The following PTPRD variants were observed in gnomAD, a reference collection of about 807,000 sequenced individuals.
PTPRD encodes the protein protein tyrosine phosphatase receptor type D, also known as receptor-type tyrosine-protein phosphatase delta.
A neutral mutation model predicts 214.5 loss-of-function variants in PTPRD; 34 were observed. The ratio of observed to expected loss-of-function variants is 0.16; its 90% CI spans 0.12 to 0.21. The LOEUF is 0.21. Ranked by LOEUF, PTPRD falls within the 10% of genes least tolerant of loss-of-function variation. The probability of loss-of-function intolerance (pLI) is 1.00; values close to 1 mark genes in which losing one functional copy is unlikely to be tolerated. For synonymous variants in PTPRD, 1,128 were observed against 845.7 expected, an observed-to-expected ratio of 1.33 and a Z score of -5.79; for missense variants, 2,545 against 2,398.7, an observed-to-expected ratio of 1.06 and a Z score of -1.27.
chr9:8,569,471 G>C (rs1004274152), intron 14 of PTPRD, among the ~76,000 whole-genome samples: 1 of 152,056 alleles, frequency 6.6e-6, no homozygotes, highest in East Asian at 1.9e-4. Context: ...TTCTCTTTGA[G>C]GAGGAACATC....
chr9:8,525,533 T>C (rs1478518293), intron 17 of PTPRD, among the ~76,000 whole-genome samples: 1 of 151,906 alleles, frequency 6.6e-6, no homozygotes, highest in Non-Finnish European at 1.5e-5. Flanking sequence ...AAGCAAAAAA[T>C]TAAAATTAGT....
intron 2 of PTPRD, among the ~76,000 whole-genome samples, chr9:10,411,085 A>T (rs559145195): frequency 6.6e-6 from 1 of 151,888 alleles, no homozygotes; most frequent in East Asian, 2.0e-4. Flanking sequence ...TTTTAAATTT[A>T]TTTACTTTTA....
intron 11 of PTPRD, among the ~76,000 whole-genome samples, chr9:8,955,782 C>T (rs2099128421): frequency 6.6e-6 from 1 of 151,386 alleles, no homozygotes; most frequent in Admixed American, 6.6e-5. Context: ...ACATCTAACT[C>T]CTGTAACATA....
chr9:10,296,327 T>C (rs1487478329), intron 3 of PTPRD, among the ~76,000 whole-genome samples: 2 of 151,992 alleles, frequency 1.3e-5, no homozygotes, highest in African/African-American at 4.8e-5. Flanking sequence ...AAACTTATAT[T>C]CGTTTTATCT....
At chr9:9,718,233 G>T (rs1453913714) in intron 7 of PTPRD, among the ~76,000 whole-genome samples, 1 of 152,182 alleles carries the variant, frequency 6.6e-6, no homozygotes, top group Admixed American at 6.5e-5. Flanking sequence ...TTGAAAACAT[G>T]AGTATGAAAA....
chr9:10,058,215 T>A (rs558703450), intron 3 of PTPRD, among the ~76,000 whole-genome samples: 1 of 152,200 alleles, frequency 6.6e-6, no homozygotes, highest in South Asian at 2.1e-4. Context: ...ATTCTCCCCC[T>A]TTTGAGTTAT....
At chr9:9,950,722 CAAAAAA>C (rs922771507) in intron 4 of PTPRD, among the ~76,000 whole-genome samples, 1 of 2,664 alleles carries the variant, frequency 3.8e-4, no homozygotes, top group Non-Finnish European at 4.6e-4. Flanking sequence ...GACTCCGTCT[CAAAAAA>C]AAAAAAAAAA....
chr9:9,958,396 T>C (rs922113860), intron 4 of PTPRD, among the ~76,000 whole-genome samples: 3 of 152,100 alleles, frequency 2.0e-5, no homozygotes, highest in Non-Finnish European at 2.9e-5. Context: ...CTGGGCGTGG[T>C]GGCACGCACC....
At chr9:8,796,169 C>G (rs1472886663) in intron 11 of PTPRD, among the ~76,000 whole-genome samples, 1 of 152,152 alleles carries the variant, frequency 6.6e-6, no homozygotes, top group African/African-American at 2.4e-5. Flanking sequence ...TTATCTATAT[C>G]TGCATGTTTA....
chr9:9,752,593 T>C (rs2098531515), intron 6 of PTPRD, among the ~76,000 whole-genome samples: 1 of 151,970 alleles, frequency 6.6e-6, no homozygotes, highest in African/African-American at 2.4e-5. Context: ...CACATGGAAC[T>C]TTAAGATCGA....
At chr9:9,900,621 A>C (rs560867181) in intron 5 of PTPRD, among the ~76,000 whole-genome samples, 11 of 148,340 alleles carry the variant, frequency 7.4e-5, no homozygotes, top group African/African-American at 2.6e-4. Flanking sequence ...CCAGTTCCAA[A>C]GGTGCTTCCA....
rs551319327 is a variant in PTPRD at position 10,425,679 on chromosome 9, T to C, written c.-599-84662A>G. Among the ~76,000 whole-genome samples, 99 of 152,100 alleles carry C rather than the reference T, an allele frequency of 6.5e-4. 1 individual carries two copies. Among genetic ancestry groups the C allele is most frequent in the African/African-American group, 2.3e-3 (94 of 41,564 alleles). On this transcript the variant is annotated intron_variant, in intron 2 of 45. Coordinates refer to ENST00000381196, the MANE Select transcript of PTPRD (RefSeq NM_002839.4). ...TTAGTCTGTTGAGATGTTCATCAGA[T>C]TTACATTTTCCTTCTCATTACAGAA...
intron 33 of PTPRD, among the ~76,000 whole-genome samples, chr9:8,457,329 G>C (rs2133970674): frequency 6.6e-6 from 1 of 151,924 alleles, no homozygotes; most frequent in African/African-American, 2.4e-5. Flanking sequence ...TTTAAGTCAT[G>C]GGCCATATAA....
chr9:8,950,395 G>T (rs140408612), intron 11 of PTPRD, among the ~76,000 whole-genome samples: 9 of 151,706 alleles, frequency 5.9e-5, no homozygotes, highest in African/African-American at 2.2e-4. Flanking sequence ...AACATATGGA[G>T]AAGGGTATGT....
intron 5 of PTPRD, among the ~76,000 whole-genome samples, chr9:9,895,616 G>C (rs1305431916): frequency 1.3e-5 from 2 of 152,048 alleles, no homozygotes; most frequent in Non-Finnish European, 2.9e-5. Context: ...TTTGGAAAAT[G>C]ATGGTCAAAT....
intron 5 of PTPRD, among the ~76,000 whole-genome samples, chr9:9,849,931 TAACTC>T (rs1454048642): frequency 1.3e-5 from 2 of 152,130 alleles, no homozygotes; most frequent in Non-Finnish European, 2.9e-5. Flanking sequence ...TAAGATCTGT[TAACTC>T]AGCTCCTAGT....
chr9:10,377,785 C>G (rs2097758736), intron 2 of PTPRD, among the ~76,000 whole-genome samples: 1 of 151,948 alleles, frequency 6.6e-6, no homozygotes. Flanking sequence ...GTGGAAGTAC[C>G]ACATTTTCTT....
At chr9:9,146,234 A>G (rs1216784618) in intron 10 of PTPRD, among the ~76,000 whole-genome samples, 2 of 152,064 alleles carry the variant, frequency 1.3e-5, no homozygotes, top group East Asian at 3.9e-4. Context: ...ACTGCTGTGC[A>G]TGGCTAAAAG....
At chr9:9,443,889 G>A (rs535290964) in intron 8 of PTPRD, among the ~76,000 whole-genome samples, 3 of 152,326 alleles carry the variant, frequency 2.0e-5, no homozygotes, top group East Asian at 1.9e-4. Context: ...GAACAAGCTT[G>A]AAAGCAAGAC....
Sources: allele counts gnomAD v4.1 joint callset (sites outside exome capture counted in the v4.1 genomes callset), GRCh38; gene constraint gnomAD v4.1.1; transcripts MANE v1.5; gene names NCBI Gene and HGNC (gene_info 2026-07-23, HGNC 2026-07-21).